Variants in TBC1D15 observed in about 807,000 individuals in gnomAD.
TBC1D15 encodes the protein GAP for RAB7.
TBC1D15 carries 39 observed loss-of-function variants against 95.4 expected under a neutral mutation model. The ratio of observed to expected loss-of-function variants is 0.41; its 90% confidence interval spans 0.32 to 0.53. TBC1D15 has a LOEUF of 0.53. Among genes scored for constraint, TBC1D15 ranks in the 20% least tolerant of loss-of-function variants. TBC1D15 has a pLI of 0.29. For missense variants in TBC1D15, 733 were observed against 794.3 expected (o/e 0.92, Z 0.93); for synonymous variants, 258 against 261.3 (o/e 0.99, Z 0.12).
rs202068982 is a variant in TBC1D15 at position 71,859,127 on chromosome 12, G to GT, written c.31-12935dup. On this transcript the variant is annotated intron_variant, in intron 1 of 16. Transcript: ENST00000485960. ...TCATATACCTGTTAGCCATTTGTAT[G>GT]TTTTTTTTGTCATCGTCATTTTTAA... 2.8e-4 allele frequency among the ~76,000 whole-genome samples: 43 copies of GT among 151,690 alleles called. No individual in the cohort carries two copies. In the East Asian group the frequency reaches 6.0e-3, roughly 21 times the overall value.
rs372799007 is a variant in TBC1D15, at chr12:71,922,901, T to C, written c.1804-82T>C. Reference sequence around the variant, plus strand: ...AAATGCTCAGATTCTGGAATCAATGTAGTCTTAAACAGAAGTGTTACTTTG... The same window carrying C: ...AAATGCTCAGATTCTGGAATCAATGCAGTCTTAAACAGAAGTGTTACTTTG... On this transcript the variant is annotated intron_variant, in intron 16 of 16. Coordinates refer to ENST00000485960, the MANE Select transcript of TBC1D15 (RefSeq NM_001146213.3). The C allele has an allele frequency of 9.6e-6, 12 of 1,253,920 alleles. No individual in the cohort carries two copies. The East Asian group carries it at 1.4e-4, about 15-fold the overall frequency. 77.7% of individuals were successfully genotyped at this position (1,253,920 alleles called of 1,614,324 possible).
chr12:71,849,768 C>G (rs956783112), intron 1 of TBC1D15: 1 of 552,728 alleles, frequency 1.8e-6, no homozygotes, highest in African/African-American at 1.9e-5. Context: ...TCTTTCTCAT[C>G]CAGGATCTCC....
rs116448643 is a variant in TBC1D15 at position 71,892,720 on chromosome 12, T to C, written c.555-502T>C. 2.8e-3 allele frequency among the ~76,000 whole-genome samples: 429 copies of C among 151,870 alleles called. 1 individual carries two copies. Among genetic ancestry groups the C allele is most frequent in the East Asian group, 0.02 (105 of 5,180 alleles). On this transcript the variant is annotated intron_variant, in intron 5 of 16. Coordinates refer to ENST00000485960, the MANE Select transcript of TBC1D15 (RefSeq NM_001146213.3). ...AATGATCTTTATCAAATAACTAATA[T>C]AGCTTACATTTTTAACATCTTATAT...
chr12:71,891,495 G>A (rs1185741050), intron 5 of TBC1D15, among the ~76,000 whole-genome samples: 3 of 152,130 alleles, frequency 2.0e-5, no homozygotes, highest in African/African-American at 4.8e-5. Flanking sequence ...GACCCAGCAG[G>A]TGGAAACATT....
chr12:71,896,965 AC>A (rs1231595088), intron 9 of TBC1D15, among the ~76,000 whole-genome samples, 185 bp downstream of exon 9: 6 of 152,140 alleles, frequency 3.9e-5, no homozygotes, highest in Admixed American at 1.3e-4. Context: ...TACTAGAAGC[AC>A]CTTTTTGCAT....
At chr12:71,880,411 G>A in intron 3 of TBC1D15, 58 bp from the exon 4 acceptor site, 2 of 1,431,944 alleles carry the variant, frequency 1.4e-6, no homozygotes, top group Non-Finnish European at 1.9e-6. Context: ...AAGATGATAT[G>A]GATTGAAATT....
intron 1 of TBC1D15, among the ~76,000 whole-genome samples, chr12:71,855,072 T>G (rs1452054636): frequency 6.6e-6 from 1 of 152,136 alleles, no homozygotes; most frequent in African/African-American, 2.4e-5. Flanking sequence ...CTCAGGAAAC[T>G]TCATGGCAGA....
chr12:71,847,873 G>A (rs2137863811), intron 1 of TBC1D15, among the ~76,000 whole-genome samples: 1 of 152,196 alleles, frequency 6.6e-6, no homozygotes, highest in Non-Finnish European at 1.5e-5. Flanking sequence ...CGAGGTGGGT[G>A]GATCACCTGA....
chr12:71,844,091 C>A (rs1885727450), intron 1 of TBC1D15, among the ~76,000 whole-genome samples: 1 of 152,168 alleles, frequency 6.6e-6, no homozygotes, highest in African/African-American at 2.4e-5. Flanking sequence ...GAAGTCTTGT[C>A]ATTTTGATCT....
intron 2 of TBC1D15, 58 bp downstream of exon 2, chr12:71,872,226 G>A: frequency 9.7e-7 from 1 of 1,031,234 alleles, no homozygotes; most frequent in Non-Finnish European, 1.4e-6. Context: ...ATTCATCTTT[G>A]GAGAATTATC....
At chr12:71,867,762 T>C (rs1592724398) in intron 1 of TBC1D15, among the ~76,000 whole-genome samples, 1 of 152,248 alleles carries the variant, frequency 6.6e-6, no homozygotes, top group Non-Finnish European at 1.5e-5. Context: ...GTGCTGGGAT[T>C]ACAGGCGTGA....
intron 1 of TBC1D15, among the ~76,000 whole-genome samples, chr12:71,868,577 TTTAA>T (rs1891996361): frequency 6.6e-6 from 1 of 152,074 alleles, no homozygotes; most frequent in African/African-American, 2.4e-5. Context: ...TGTCTGTCAC[TTTAA>T]TTCTTATTAT....
chr12:71,854,569 T>C (rs1888586735), intron 1 of TBC1D15: 1 of 446,372 alleles, frequency 2.2e-6, no homozygotes. Flanking sequence ...ACAGGCGACA[T>C]TATCAGCAAG....
chr12:71,898,366 G>A (rs1898635230), intron 10 of TBC1D15, among the ~76,000 whole-genome samples: 1 of 151,852 alleles, frequency 6.6e-6, no homozygotes, highest in Non-Finnish European at 1.5e-5. Context: ...ATAGGTATTG[G>A]TTTATATCCC....
chr12:71,891,865 G>A (rs769478188), intron 5 of TBC1D15, among the ~76,000 whole-genome samples: 1 of 152,052 alleles, frequency 6.6e-6, no homozygotes, highest in Non-Finnish European at 1.5e-5. Context: ...TTGCCTATTT[G>A]TTCCTCTTTT....
intron 3 of TBC1D15, among the ~76,000 whole-genome samples, chr12:71,878,778 A>G (rs1408753307): frequency 1.3e-5 from 2 of 151,482 alleles, no homozygotes; most frequent in Non-Finnish European, 2.9e-5. Flanking sequence ...TGGCCTCCCA[A>G]AGTGCTGGGA....
At chr12:71,902,462 AAAAC>A (rs754459229) in intron 10 of TBC1D15, among the ~76,000 whole-genome samples, 3 of 152,218 alleles carry the variant, frequency 2.0e-5, no homozygotes, top group Non-Finnish European at 2.9e-5. Flanking sequence ...AGAGCTGACA[AAAAC>A]AAGCCACAGG....
chr12:71,848,597 C>T (rs996961449), intron 1 of TBC1D15, among the ~76,000 whole-genome samples: 1 of 151,880 alleles, frequency 6.6e-6, no homozygotes, highest in Non-Finnish European at 1.5e-5. Flanking sequence ...ATTCTGGATA[C>T]AAATCCTTTT....
At chr12:71,865,927 T>C (rs11834054) in intron 1 of TBC1D15, among the ~76,000 whole-genome samples, 26,619 of 151,876 alleles carry the variant, frequency 0.18, 3,622 homozygotes, top group African/African-American at 0.38. Flanking sequence ...GCTTGGGTAC[T>C]GGGGTGTGTT....
Sources: allele counts gnomAD v4.1 joint callset (sites outside exome capture counted in the v4.1 genomes callset), GRCh38; gene constraint gnomAD v4.1.1; transcripts MANE v1.5; gene names NCBI Gene and HGNC (gene_info 2026-07-23, HGNC 2026-07-21).